Variants in UBE2D2 observed in about 807,000 individuals in gnomAD.
The protein encoded by UBE2D2 is ubiquitin-conjugating enzyme E2 D2.
In UBE2D2, 2 loss-of-function variants were observed where a neutral mutation model predicts 24.2. The ratio of observed to expected loss-of-function variants is 0.08; its 90% CI spans 0.03 to 0.26. The LOEUF (loss-of-function observed/expected upper bound fraction) is 0.26. Among genes scored for constraint, UBE2D2 ranks in the 10% least tolerant of loss-of-function variants. The pLI is 1.00. For synonymous variants in UBE2D2, 58 were observed against 56.5 expected, an observed-to-expected ratio of 1.03 and a Z score of -0.12; for missense variants, 44 against 177.6, an observed-to-expected ratio of 0.25 and a Z score of 4.28.
chr5:139,530,235 C>T (rs1752584604), intron 1 of UBE2D2, among the ~76,000 whole-genome samples: 1 of 152,108 alleles, frequency 6.6e-6, no homozygotes, highest in Non-Finnish European at 1.5e-5. Context: ...GACTGGACGG[C>T]CCCCACCAGG....
intron 1 of UBE2D2, among the ~76,000 whole-genome samples, chr5:139,577,932 AAGG>A (rs1278291271): frequency 2.6e-5 from 4 of 152,226 alleles, no homozygotes; most frequent in Non-Finnish European, 5.9e-5. Flanking sequence ...TGTAGTTACT[AAGG>A]AGGGATTCAG....
intron 2 of UBE2D2, among the ~76,000 whole-genome samples, chr5:139,613,500 T>G (rs1754365230): frequency 6.6e-6 from 1 of 152,204 alleles, no homozygotes; most frequent in South Asian, 2.1e-4. Flanking sequence ...TGGAAGATAT[T>G]TATTTATTGA....
intron 1 of UBE2D2, among the ~76,000 whole-genome samples, chr5:139,591,410 G>A (rs1441485874): frequency 2.0e-5 from 3 of 152,054 alleles, no homozygotes; most frequent in African/African-American, 4.8e-5. Context: ...ATGAGCCACC[G>A]CACCTGACCC....
intron 1 of UBE2D2, among the ~76,000 whole-genome samples, chr5:139,576,968 T>A (rs959220848): frequency 9.2e-5 from 10 of 109,128 alleles, no homozygotes; most frequent in African/African-American, 3.9e-4. Flanking sequence ...TTAACTTGAA[T>A]TTTTTTTTTT....
intron 2 of UBE2D2, among the ~76,000 whole-genome samples, chr5:139,608,939 T>C (rs1229468048): frequency 2.6e-5 from 4 of 151,812 alleles, no homozygotes; most frequent in African/African-American, 9.7e-5. Context: ...ACAGCAAAAT[T>C]AGTCAGGTGT....
chr5:139,549,649 G>T (rs944561968), intron 1 of UBE2D2, among the ~76,000 whole-genome samples: 5 of 152,244 alleles, frequency 3.3e-5, no homozygotes, highest in Admixed American at 2.6e-4. Flanking sequence ...AGCTCGCGGG[G>T]CTGGAGACTC....
intron 1 of UBE2D2, among the ~76,000 whole-genome samples, chr5:139,584,220 C>T (rs943366594): frequency 2.2e-4 from 34 of 152,112 alleles, no homozygotes; most frequent in African/African-American, 8.2e-4. Context: ...TTAGGATACA[C>T]AGATACTATT....
chr5:139,562,386 A>G, intron 1 of UBE2D2: 1 of 1,324,514 alleles, frequency 7.5e-7, no homozygotes, highest in Non-Finnish European at 9.9e-7. Flanking sequence ...TAAGAGTTGG[A>G]AGTTCAGAAG....
At chr5:139,593,088 C>T (rs752377375) in intron 1 of UBE2D2, among the ~76,000 whole-genome samples, 10 of 146,248 alleles carry the variant, frequency 6.8e-5, no homozygotes, top group Admixed American at 2.0e-4. Flanking sequence ...CTCCGCCTCC[C>T]GGGTTCAAGT....
chr5:139,611,439 C>T (rs960098753), intron 2 of UBE2D2, among the ~76,000 whole-genome samples: 3 of 151,962 alleles, frequency 2.0e-5, no homozygotes, highest in African/African-American at 7.3e-5. Context: ...CCACCTGCCT[C>T]GGCCTCCCAA....
At chr5:139,592,750 G>A (rs1193191763) in intron 1 of UBE2D2, among the ~76,000 whole-genome samples, 3 of 150,900 alleles carry the variant, frequency 2.0e-5, no homozygotes, top group Admixed American at 6.6e-5. Context: ...CTACAGGCAC[G>A]TGCCACGATG....
At chr5:139,535,626 CA>C (rs1309567751) in intron 1 of UBE2D2, among the ~76,000 whole-genome samples, 5 of 151,052 alleles carry the variant, frequency 3.3e-5, no homozygotes, top group East Asian at 1.9e-4. Context: ...GACACTATCT[CA>C]AAAAAAAATT....
At chr5:139,554,177 G>A (rs1216646382) in intron 1 of UBE2D2, among the ~76,000 whole-genome samples, 1 of 151,986 alleles carries the variant, frequency 6.6e-6, no homozygotes, top group East Asian at 1.9e-4. Flanking sequence ...TTCCTTGATC[G>A]CATTTTTTTT....
intron 2 of UBE2D2, among the ~76,000 whole-genome samples, chr5:139,601,630 A>G (rs1213240458): frequency 6.6e-6 from 1 of 151,458 alleles, no homozygotes; most frequent in African/African-American, 2.4e-5. Context: ...TAAAAACAGG[A>G]CGGGGCGTCA....
chr5:139,561,189 G>C (rs917057265), upstream of UBE2D2: 3 of 152,648 alleles, frequency 2.0e-5, no homozygotes, highest in African/African-American at 4.8e-5. Flanking sequence ...ACGCCCTCCG[G>C]GGCCGTGGCG....
intron 6 of UBE2D2, among the ~76,000 whole-genome samples, chr5:139,624,457 G>A (rs1033543568): frequency 1.3e-5 from 2 of 152,302 alleles, no homozygotes; most frequent in East Asian, 3.9e-4. Flanking sequence ...GTAGTATTCA[G>A]TGAAGTTATA....
chr5:139,533,548 G>A (rs552904504), intron 1 of UBE2D2, among the ~76,000 whole-genome samples: 220 of 151,944 alleles, frequency 1.4e-3, no homozygotes, highest in Admixed American at 3.7e-3. Flanking sequence ...TACTCGGGAG[G>A]CTGAGGCAGG....
At chr5:139,587,905 G>A (rs1456023556) in intron 1 of UBE2D2, among the ~76,000 whole-genome samples, 1 of 152,080 alleles carries the variant, frequency 6.6e-6, no homozygotes, top group African/African-American at 2.4e-5. Context: ...TAGCATTTTA[G>A]TGAGCTCTCT....
intron 1 of UBE2D2, among the ~76,000 whole-genome samples, chr5:139,599,095 A>G (rs1358113878): frequency 6.6e-6 from 1 of 151,356 alleles, no homozygotes; most frequent in African/African-American, 2.4e-5. Flanking sequence ...ACGCTCGGCT[A>G]ATTTTTGTAT....
Sources: gnomAD v4.1 joint callset for allele counts (sites outside exome capture counted in the v4.1 genomes callset) on GRCh38, gnomAD v4.1.1 for gene constraint, MANE v1.5 for transcripts, NCBI Gene and HGNC (gene_info 2026-07-23, HGNC 2026-07-21) for gene names.